CCDC92B: variants seen among roughly 807,000 people sequenced by gnomAD.
CCDC92B encodes coiled-coil domain containing 92B.
CCDC92B carries 2 observed loss-of-function variants against 5.6 expected under a neutral mutation model. The observed-to-expected ratio is 0.36, with a 90% CI of 0.15 to 1.12. The LOEUF is 1.12. Ranked by LOEUF, CCDC92B falls within the 50% of genes most tolerant of loss-of-function variation. The pLI is 0.40. For missense variants in CCDC92B, 271 were observed against 262.2 expected, an observed-to-expected ratio of 1.03 and a Z score of -0.23; for synonymous variants, 115 against 122.3, an observed-to-expected ratio of 0.94 and a Z score of 0.39.
Position 2,724,375 on chromosome 17 carries a change from C to T in CCDC92B, c.*36G>A. On this transcript the variant is annotated 3_prime_UTR_variant, in exon 4 of 4. Transcript: ENST00000614400. This position sits in a 1 kb window ranked among gnomAD's most constrained non-coding sequence, Gnocchi z 5.0. ...CGAGCTGCGTCCCTGGCCGGCCCTC[C>T]CCGTCCGTCCCGCGTCACCCCGGCC... The T allele has an allele frequency of 1.0e-6, 1 of 985,080 alleles. No homozygotes were observed. Among genetic ancestry groups the T allele is most frequent in the African/African-American group, 1.7e-5 (1 of 57,306 alleles). The allele number at this position is 985,080 out of a possible 1,614,324, so 61.0% of individuals were successfully genotyped here. A position where few individuals can be genotyped will look rare whatever the true frequency, so the allele number is the denominator to read the frequency against.
chr17:2,729,504 A>AAAG (rs1243304088), intron 3 of CCDC92B, among the ~76,000 whole-genome samples: 1 of 151,700 alleles, frequency 6.6e-6, no homozygotes, highest in Non-Finnish European at 1.5e-5. Flanking sequence ...CAAAAAAAAA[A>AAAG]AAAAAAAAAA....
chr17:2,748,667 T>A (rs1287138446), intron 1 of CCDC92B, among the ~76,000 whole-genome samples: 2 of 152,152 alleles, frequency 1.3e-5, no homozygotes, highest in Admixed American at 1.3e-4. Flanking sequence ...GAGAATGGAT[T>A]GAGTCTTACT....
At chr17:2,733,111 G>A (rs1258952592) in intron 2 of CCDC92B, among the ~76,000 whole-genome samples, 1 of 151,026 alleles carries the variant, frequency 6.6e-6, no homozygotes, top group Non-Finnish European at 1.5e-5. Context: ...CATCTGAGAA[G>A]CATGGCGTGG....
intron 1 of CCDC92B, among the ~76,000 whole-genome samples, chr17:2,738,758 CA>C (rs533157087): frequency 0.016 from 1,474 of 89,624 alleles, 25 homozygotes; most frequent in African/African-American, 0.05. Context: ...AGACTCGTCT[CA>C]AAAAAAAAAA....
intron 1 of CCDC92B, among the ~76,000 whole-genome samples, chr17:2,740,780 C>T (rs1344776059): frequency 6.6e-6 from 1 of 151,720 alleles, no homozygotes; most frequent in African/African-American, 2.4e-5. Context: ...CCACTTTGGG[C>T]AACATGATGA....
chr17:2,739,903 G>A (rs1439001315), intron 1 of CCDC92B, among the ~76,000 whole-genome samples: 2 of 152,002 alleles, frequency 1.3e-5, no homozygotes, highest in Non-Finnish European at 1.5e-5. Flanking sequence ...TGGGTTTGGG[G>A]AACACGGTAA....
intron 2 of CCDC92B, among the ~76,000 whole-genome samples, chr17:2,732,585 C>T (rs1173484236): frequency 4.0e-5 from 6 of 151,872 alleles, no homozygotes; most frequent in Non-Finnish European, 8.8e-5. Context: ...GGCATGGTGG[C>T]GGGCACCTGT....
intron 1 of CCDC92B, among the ~76,000 whole-genome samples, chr17:2,746,657 A>T (rs1003917955): frequency 2.6e-5 from 4 of 152,076 alleles, no homozygotes; most frequent in African/African-American, 9.7e-5. Context: ...GGGAAACTAC[A>T]GTTCTCTCCC....
At chr17:2,743,287 C>T (rs750233871) in intron 1 of CCDC92B, among the ~76,000 whole-genome samples, 15 of 152,086 alleles carry the variant, frequency 9.9e-5, no homozygotes, top group Admixed American at 7.9e-4. Flanking sequence ...AAAAATTAGC[C>T]GGGCATAGTG....
At chr17:2,748,184 T>C in intron 1 of CCDC92B, 1 of 549,090 alleles carries the variant, frequency 1.8e-6, no homozygotes, top group Non-Finnish European at 3.6e-6. Flanking sequence ...CTTGCTGCTC[T>C]GATGACAAAC....
chr17:2,727,741 T>G lies in CCDC92B; in HGVS notation c.178+2705A>C, dbSNP rs560147218. Among the ~76,000 whole-genome samples, 353 of 152,100 alleles carry G rather than the reference T, an allele frequency of 2.3e-3. 1 individual carries two copies. Among genetic ancestry groups the G allele is most frequent in the African/African-American group, 7.4e-3 (308 of 41,494 alleles). On this transcript the variant is annotated intron_variant, in intron 3 of 3. Coordinates refer to ENST00000614400, the MANE Select transcript of CCDC92B (RefSeq NM_001355573.2). ...TGGGAGGCTGAAGTAGGAGAATTGC[T>G]TGACCCTGGGAGGCGGAGGTTGCAG...
intron 3 of CCDC92B, among the ~76,000 whole-genome samples, chr17:2,727,781 G>A (rs145733182): frequency 3.5e-4 from 53 of 149,400 alleles, no homozygotes; most frequent in African/African-American, 9.4e-4. Context: ...CTGAGATCGC[G>A]CCACTGCACT....
intron 1 of CCDC92B, among the ~76,000 whole-genome samples, chr17:2,738,363 CTG>C (rs1311694746): frequency 6.6e-6 from 1 of 151,944 alleles, no homozygotes; most frequent in African/African-American, 2.4e-5. Context: ...CAGTTACCTG[CTG>C]TGAGACTTTT....
rs1337678615 is a variant in CCDC92B, at chr17:2,724,384, C to G, written c.*27G>C. The stretch of plus-strand genomic sequence containing the variant: ...TCCCTGGCCGGCCCTCCCCGTCCGT[C>G]CCGCGTCACCCCGGCCAGCCTGGCG... On this transcript the variant is annotated 3_prime_UTR_variant, in exon 4 of 4. Transcript: ENST00000614400. This position sits in a 1 kb window ranked among gnomAD's most constrained non-coding sequence, Gnocchi z 5.0. 1 of 984,936 alleles carries G rather than the reference C, an allele frequency of 1.0e-6. No individual in the cohort carries two copies. The highest frequency in any genetic ancestry group is 1.7e-5 in the African/African-American group (1 of 57,174). The allele number at this position is 984,936 out of a possible 1,614,324, so 61.0% of individuals were successfully genotyped here. A position where few individuals can be genotyped will look rare whatever the true frequency, so the allele number is the denominator to read the frequency against.
rs1025751353 is a variant in CCDC92B, at chr17:2,727,552, G to A, written c.179-2552C>T. Among the ~76,000 whole-genome samples, 12 of 152,356 alleles carry A rather than the reference G, an allele frequency of 7.9e-5. No homozygotes were observed. The East Asian group carries it at 1.2e-3, about 15-fold the overall frequency. Reference sequence around the variant, plus strand: ...GATAAGAGGACAAAGAGGGCTGGGTGCAGTGGCTCACGCCTGTAATCCCAG... The same window carrying A: ...GATAAGAGGACAAAGAGGGCTGGGTACAGTGGCTCACGCCTGTAATCCCAG... On this transcript the variant is annotated intron_variant, in intron 3 of 3. Transcript: ENST00000614400.
chr17:2,739,185 G>A lies in CCDC92B; in HGVS notation c.-23-4017C>T, dbSNP rs545603041. Among the ~76,000 whole-genome samples, 22 of 151,022 alleles carry A rather than the reference G, an allele frequency of 1.5e-4. No individual in the cohort carries two copies. In the East Asian group the frequency reaches 3.7e-3, roughly 25 times the overall value. ...GATCGAGACCATCCTGGCTAACATGGTAGAACCCCATCTCTACTAAAAATA... is the reference window on the plus strand; with the variant it reads ...GATCGAGACCATCCTGGCTAACATGATAGAACCCCATCTCTACTAAAAATA... On this transcript the variant is annotated intron_variant, in intron 1 of 3. Transcript: ENST00000614400.
At chr17:2,745,621 C>G (rs1354033005) in intron 1 of CCDC92B, among the ~76,000 whole-genome samples, 2 of 152,176 alleles carry the variant, frequency 1.3e-5, no homozygotes, top group East Asian at 3.8e-4. Flanking sequence ...CAACAAAAAT[C>G]TCTCTGTCTG....
chr17:2,729,459 A>G (rs1204193176), intron 3 of CCDC92B, among the ~76,000 whole-genome samples: 2 of 138,354 alleles, frequency 1.4e-5, no homozygotes, highest in African/African-American at 2.8e-5. Flanking sequence ...GTGCCACTGC[A>G]CTCCAGCCTG....
chr17:2,744,119 A>C (rs2151745470), intron 1 of CCDC92B, among the ~76,000 whole-genome samples: 1 of 152,178 alleles, frequency 6.6e-6, no homozygotes, highest in Admixed American at 6.6e-5. Context: ...CTCGTGATCC[A>C]ACCACCTCAG....
Sources: gnomAD v4.1 joint callset for allele counts (sites outside exome capture counted in the v4.1 genomes callset) on GRCh38, gnomAD v4.1.1 for gene constraint, Gnocchi (gnomAD v3.1) non-coding constraint, MANE v1.5 for transcripts, NCBI Gene and HGNC (gene_info 2026-07-23, HGNC 2026-07-21) for gene names.